The following CNTN4 variants were observed in gnomAD, a reference collection of about 807,000 sequenced individuals.
The protein encoded by CNTN4 is contactin 4.
In CNTN4, 77 loss-of-function variants were observed where a neutral mutation model predicts 122.5. The observed-to-expected ratio is 0.63, with a 90% CI of 0.52 to 0.76. The LOEUF (loss-of-function observed/expected upper bound fraction) is 0.76, where lower values mean the gene tolerates loss of function less well. Ranked by LOEUF, CNTN4 falls within the 30% of genes least tolerant of loss-of-function variation. The pLI is 0.00. For missense variants in CNTN4, 1,256 were observed against 1,259.1 expected, an observed-to-expected ratio of 1.00 and a Z score of 0.04; for synonymous variants, 512 against 447.0, an observed-to-expected ratio of 1.15 and a Z score of -1.83.
At chr3:2,267,592 G>A (rs1575214875) in intron 2 of CNTN4, among the ~76,000 whole-genome samples, 1 of 152,148 alleles carries the variant, frequency 6.6e-6, no homozygotes, top group East Asian at 1.9e-4. Flanking sequence ...CAATTTGAAA[G>A]CATAGAATTG....
At chr3:2,750,024 C>G (rs2090014413) in intron 6 of CNTN4, among the ~76,000 whole-genome samples, 1 of 152,142 alleles carries the variant, frequency 6.6e-6, no homozygotes, top group African/African-American at 2.4e-5. Context: ...AATATTTCTT[C>G]CTCTTTAATC....
At chr3:2,109,135 A>T (rs1228285086) in intron 2 of CNTN4, among the ~76,000 whole-genome samples, 2 of 152,210 alleles carry the variant, frequency 1.3e-5, no homozygotes, top group African/African-American at 4.8e-5. Context: ...TTTTTCTTGC[A>T]TATTTAAACC....
At chr3:2,794,045 C>G (rs980093746) in intron 6 of CNTN4, among the ~76,000 whole-genome samples, 1 of 152,128 alleles carries the variant, frequency 6.6e-6, no homozygotes, top group African/African-American at 2.4e-5. Context: ...ATAAAGTTTA[C>G]AGCATAAGGA....
intron 14 of CNTN4, among the ~76,000 whole-genome samples, chr3:2,994,887 T>C (rs981613761): frequency 6.6e-6 from 1 of 152,136 alleles, no homozygotes; most frequent in Admixed American, 6.6e-5. Flanking sequence ...ACAATGACGG[T>C]TGGCTGCTAA....
At chr3:2,897,472 A>G (rs1010811508) in intron 10 of CNTN4, among the ~76,000 whole-genome samples, 1 of 151,716 alleles carries the variant, frequency 6.6e-6, no homozygotes, top group Admixed American at 6.6e-5. Context: ...ATGGCTTCTG[A>G]AATAATAGTA....
intron 16 of CNTN4, among the ~76,000 whole-genome samples, chr3:3,031,418 C>T (rs976630083): frequency 7.9e-5 from 12 of 152,152 alleles, no homozygotes; most frequent in African/African-American, 2.6e-4. Flanking sequence ...TTCCTTTTTT[C>T]CCTAAACTTC....
intron 24 of CNTN4, among the ~76,000 whole-genome samples, chr3:3,055,643 G>A (rs1701715230): frequency 6.6e-6 from 1 of 152,172 alleles, no homozygotes; most frequent in African/African-American, 2.4e-5. Flanking sequence ...TTTACTAGCT[G>A]GGTGATCTTA....
At chr3:2,140,535 C>T (rs1414517557) in intron 2 of CNTN4, among the ~76,000 whole-genome samples, 3 of 152,156 alleles carry the variant, frequency 2.0e-5, no homozygotes, top group African/African-American at 7.2e-5. Context: ...TATGTTCTCA[C>T]ATGGGTATAG....
intron 4 of CNTN4, among the ~76,000 whole-genome samples, chr3:2,718,409 C>T (rs2087635418): frequency 6.6e-6 from 1 of 152,164 alleles, no homozygotes; most frequent in Non-Finnish European, 1.5e-5. Context: ...CAAGGGCCAA[C>T]TCCTGAATTC....
intron 2 of CNTN4, among the ~76,000 whole-genome samples, chr3:2,223,173 G>A (rs2039130541): frequency 6.6e-6 from 1 of 152,134 alleles, no homozygotes; most frequent in African/African-American, 2.4e-5. Flanking sequence ...AAGGGGAATG[G>A]AGAGCCAGTA....
intron 19 of CNTN4, 94 bp from the exon 20 acceptor site, chr3:3,039,943 A>G (rs1699995535): frequency 1.8e-5 from 15 of 837,326 alleles, no homozygotes; most frequent in Admixed American, 5.7e-5. Context: ...GTGGAGAAGG[A>G]TGTAGACAAG....
chr3:2,265,044 A>G (rs2040987446), intron 2 of CNTN4, among the ~76,000 whole-genome samples: 2 of 151,978 alleles, frequency 1.3e-5, no homozygotes, highest in Admixed American at 1.3e-4. Flanking sequence ...CCCAAAGTCC[A>G]TTGTATCATT....
chr3:2,809,269 G>C (rs563477514), intron 6 of CNTN4, among the ~76,000 whole-genome samples: 1 of 152,338 alleles, frequency 6.6e-6, no homozygotes, highest in East Asian at 1.9e-4. Context: ...CTGCTCTGAA[G>C]AAGGGTCATT....
chr3:2,759,613 T>C (rs1219978216), intron 6 of CNTN4, among the ~76,000 whole-genome samples: 2 of 152,228 alleles, frequency 1.3e-5, no homozygotes, highest in African/African-American at 4.8e-5. Context: ...CGGACACATG[T>C]ATTTTCATTT....
intron 2 of CNTN4, among the ~76,000 whole-genome samples, chr3:2,304,627 G>A (rs1947157): frequency 0.054 from 8,243 of 151,922 alleles, 288 homozygotes; most frequent in Non-Finnish European, 0.073. Context: ...TAATAAAGGC[G>A]AGGAGTTGGC....
At chr3:2,813,266 T>A (rs899091903) in intron 6 of CNTN4, among the ~76,000 whole-genome samples, 3 of 152,234 alleles carry the variant, frequency 2.0e-5, no homozygotes, top group African/African-American at 7.2e-5. Flanking sequence ...TGACCATTTT[T>A]CCAAGTTGAT....
chr3:2,214,540 C>A (rs1391320892), intron 2 of CNTN4, among the ~76,000 whole-genome samples: 2 of 152,096 alleles, frequency 1.3e-5, no homozygotes, highest in African/African-American at 4.8e-5. Flanking sequence ...GACAGTTTCT[C>A]AGATTGAAGG....
intron 2 of CNTN4, among the ~76,000 whole-genome samples, chr3:2,266,223 G>A (rs990247791): frequency 3.3e-5 from 5 of 151,944 alleles, no homozygotes; most frequent in South Asian, 2.1e-4. Context: ...CCTTAATCAC[G>A]TTGAGGAATG....
At chr3:2,959,486 A>C (rs977915590) in intron 13 of CNTN4, among the ~76,000 whole-genome samples, 2 of 152,116 alleles carry the variant, frequency 1.3e-5, no homozygotes, top group African/African-American at 4.8e-5. Context: ...AATTATGCCT[A>C]TCAACATATT....
Sources: allele counts gnomAD v4.1 joint callset (sites outside exome capture counted in the v4.1 genomes callset), GRCh38; gene constraint gnomAD v4.1.1; transcripts MANE v1.5; gene names NCBI Gene and HGNC (gene_info 2026-07-23, HGNC 2026-07-21).